PPFIA2: variants seen among roughly 807,000 people sequenced by gnomAD.
The protein encoded by PPFIA2 is liprin-alpha-2.
PPFIA2 carries 46 observed loss-of-function variants against 175.5 expected under a neutral mutation model. The observed-to-expected ratio is 0.26, with a 90% CI of 0.21 to 0.34. PPFIA2 has a LOEUF of 0.34. Ranked by LOEUF, PPFIA2 falls within the 10% of genes least tolerant of loss-of-function variation. PPFIA2 has a pLI of 1.00. For missense variants in PPFIA2, 1,179 were observed against 1,506.1 expected (o/e 0.78, Z 3.60); for synonymous variants, 568 against 511.4 (o/e 1.11, Z -1.49).
intron 4 of PPFIA2, 33 bp from the exon 5 acceptor site, chr12:81,457,899 T>A: frequency 7.0e-7 from 1 of 1,420,226 alleles, no homozygotes; most frequent in East Asian, 2.3e-5. Context: ...TGAAGAAATA[T>A]TCAAGATCTA....
intron 4 of PPFIA2, among the ~76,000 whole-genome samples, chr12:81,635,183 C>G (rs565461431): frequency 1.3e-5 from 2 of 152,238 alleles, no homozygotes; most frequent in African/African-American, 4.8e-5. Context: ...AAATATAAAT[C>G]AAGGTGGGCA....
At chr12:81,524,562 T>G (rs1005382390) in intron 4 of PPFIA2, among the ~76,000 whole-genome samples, 2 of 152,232 alleles carry the variant, frequency 1.3e-5, no homozygotes, top group African/African-American at 2.4e-5. Context: ...TAATTTGTTT[T>G]ATTTCACTGG....
intron 4 of PPFIA2, among the ~76,000 whole-genome samples, chr12:81,658,849 T>A (rs1017954005): frequency 1.3e-5 from 2 of 152,174 alleles, no homozygotes; most frequent in Non-Finnish European, 2.9e-5. Context: ...GCAATTTCTA[T>A]GGTTAAAATG....
intron 4 of PPFIA2, among the ~76,000 whole-genome samples, chr12:81,538,546 T>C (rs566654153): frequency 6.6e-6 from 1 of 151,988 alleles, no homozygotes; most frequent in East Asian, 1.9e-4. Context: ...GGAAGGGGTA[T>C]TGCCATTTTA....
chr12:81,678,375 T>C (rs1201937202), intron 3 of PPFIA2, among the ~76,000 whole-genome samples: 1 of 151,758 alleles, frequency 6.6e-6, no homozygotes, highest in Non-Finnish European at 1.5e-5. Flanking sequence ...TAATAATACA[T>C]TATGGGGCTG....
intron 13 of PPFIA2, among the ~76,000 whole-genome samples, chr12:81,367,738 C>A (rs17008439): frequency 1.3e-5 from 2 of 151,492 alleles, no homozygotes; most frequent in Non-Finnish European, 3.0e-5. Context: ...AAGTTGGCAT[C>A]ATAGATACTT....
At chr12:81,296,922 T>C (rs1408384212) in intron 23 of PPFIA2, among the ~76,000 whole-genome samples, 1 of 152,222 alleles carries the variant, frequency 6.6e-6, no homozygotes, top group Non-Finnish European at 1.5e-5. Context: ...GATTTATTTC[T>C]AATAAATAGC....
chr12:81,419,036 C>G (rs932271984), intron 7 of PPFIA2, among the ~76,000 whole-genome samples: 16 of 151,524 alleles, frequency 1.1e-4, no homozygotes, highest in Non-Finnish European at 1.9e-4. Context: ...TTTATTTCAC[C>G]GAATTTATCA....
At chr12:81,634,393 AT>A (rs755838969) in intron 4 of PPFIA2, among the ~76,000 whole-genome samples, 2 of 151,988 alleles carry the variant, frequency 1.3e-5, no homozygotes, top group African/African-American at 2.4e-5. Flanking sequence ...GAGCTGTTTC[AT>A]TTTGTATTCT....
intron 3 of PPFIA2, among the ~76,000 whole-genome samples, chr12:81,699,842 A>G (rs1442536097): frequency 1.3e-5 from 2 of 151,996 alleles, no homozygotes; most frequent in African/African-American, 2.4e-5. Flanking sequence ...ATCTTTCTCC[A>G]TATCTAACTT....
chr12:81,301,106 T>C (rs1180354878), intron 22 of PPFIA2, among the ~76,000 whole-genome samples: 1 of 152,012 alleles, frequency 6.6e-6, no homozygotes, highest in Non-Finnish European at 1.5e-5. Context: ...GTGAAGGCAT[T>C]GTGGCAATGG....
Position 81,353,244 on chromosome 12 carries a change from A to G in PPFIA2, c.1869T>C (p.Ile623=). The part of the protein sequence containing the change: ...PFESDTEMSD[I]DDDDRETIFS... Reference sequence around the variant, plus strand: ...AAATTGTTTCTCTGTCATCATCATCAATATCAGACATTTCAGTGTCACTTT... The same window carrying G: ...AAATTGTTTCTCTGTCATCATCATCGATATCAGACATTTCAGTGTCACTTT... Residue 623 remains isoleucine (I), a synonymous_variant, in exon 17 of 33, where the codon ATT becomes ATC. Transcript: ENST00000549396. The G allele has an allele frequency of 6.2e-7, 1 of 1,613,740 alleles. No homozygotes were observed. Among genetic ancestry groups the G allele is most frequent in the Non-Finnish European group, 8.5e-7 (1 of 1,179,762 alleles).
chr12:81,325,472 C>A (rs539393835), intron 22 of PPFIA2, among the ~76,000 whole-genome samples: 1 of 152,136 alleles, frequency 6.6e-6, no homozygotes, highest in African/African-American at 2.4e-5. Context: ...TTTATCAAAC[C>A]AATCAGGTTT....
rs77652202 is a variant in PPFIA2 at position 81,705,679 on chromosome 12, G to A, written c.250-28835C>T. On this transcript the variant is annotated intron_variant, in intron 3 of 32. Coordinates refer to ENST00000549396, the MANE Select transcript of PPFIA2 (RefSeq NM_003625.5). The stretch of plus-strand genomic sequence containing the variant: ...AAGATTTTCTCCACACAGAGCCAAA[G>A]ACCCTTACTGAAAGGTAAAAATGCA... Among the ~76,000 whole-genome samples the A allele has an allele frequency of 7.2e-5, 11 of 152,188 alleles. No homozygotes were observed. In the East Asian group the frequency reaches 2.1e-3, roughly 29 times the overall value.
At chr12:81,346,720 G>A (rs1382894965) in intron 18 of PPFIA2, among the ~76,000 whole-genome samples, 7 of 151,064 alleles carry the variant, frequency 4.6e-5, no homozygotes, top group Admixed American at 4.6e-4. Flanking sequence ...GTTTTTTATG[G>A]CTCTTAACAC....
chr12:81,644,765 T>C (rs1316888072), intron 4 of PPFIA2, among the ~76,000 whole-genome samples: 1 of 152,146 alleles, frequency 6.6e-6, no homozygotes, highest in Non-Finnish European at 1.5e-5. Context: ...TTGTTCTATG[T>C]AAGCATAGTG....
At chr12:81,431,586 A>C (rs576286666) in intron 7 of PPFIA2, among the ~76,000 whole-genome samples, 1 of 152,322 alleles carries the variant, frequency 6.6e-6, no homozygotes, top group African/African-American at 2.4e-5. Context: ...TGCCATTACT[A>C]AAAGAACATA....
Position 81,612,580 on chromosome 12 carries a change from G to A in PPFIA2, c.303+64211C>T, listed in dbSNP as rs182746356. Reference sequence around the variant, plus strand: ...TTTAGCTAACTCACCATTCATTGAGGATGTCACACAAATGAAGACATTTTT... The same window carrying A: ...TTTAGCTAACTCACCATTCATTGAGAATGTCACACAAATGAAGACATTTTT... On this transcript the variant is annotated intron_variant, in intron 4 of 32. Transcript: ENST00000549396. Among the ~76,000 whole-genome samples the A allele has an allele frequency of 2.5e-3, 382 of 152,232 alleles. 1 individual carries two copies. The highest frequency in any genetic ancestry group is 4.1e-3 in the Non-Finnish European group (282 of 68,014).
At chr12:81,653,131 T>C (rs1196411411) in intron 4 of PPFIA2, among the ~76,000 whole-genome samples, 2 of 152,122 alleles carry the variant, frequency 1.3e-5, no homozygotes, top group African/African-American at 4.8e-5. Context: ...GGTTCAGTCC[T>C]TGTTCTATTT....
Sources: gnomAD v4.1 joint callset for allele counts (sites outside exome capture counted in the v4.1 genomes callset) on GRCh38, gnomAD v4.1.1 for gene constraint, MANE v1.5 for transcripts, NCBI Gene and HGNC (gene_info 2026-07-23, HGNC 2026-07-21) for gene names.